The following ZNF407 variants were observed in gnomAD, a reference collection of about 807,000 sequenced individuals.
ZNF407 encodes zinc finger protein 407.
ZNF407 carries 17 observed loss-of-function variants against 131.2 expected under a neutral mutation model. That is an observed-to-expected ratio of 0.13 (90% CI 0.09 to 0.19). ZNF407 has a LOEUF of 0.19. ZNF407 is among the 10% of genes least tolerant of loss of function. ZNF407 has a pLI of 1.00. For missense variants in ZNF407, 2,681 were observed against 2,830.6 expected (o/e 0.95, Z 1.20); for synonymous variants, 1,156 against 1,062.0 (o/e 1.09, Z -1.72).
At chr18:74,931,411 TC>T (rs1971981110) in intron 8 of ZNF407, among the ~76,000 whole-genome samples, 1 of 151,748 alleles carries the variant, frequency 6.6e-6, no homozygotes, top group Non-Finnish European at 1.5e-5. Flanking sequence ...AATAACCATT[TC>T]CCCCAAAGAC....
chr18:75,012,050 G>T (rs1309596768), intron 8 of ZNF407, among the ~76,000 whole-genome samples: 1 of 152,004 alleles, frequency 6.6e-6, no homozygotes, highest in African/African-American at 2.4e-5. Context: ...GTTTCACCTG[G>T]TTATTGATAT....
chr18:75,005,880 C>A (rs745487863), intron 8 of ZNF407, among the ~76,000 whole-genome samples: 81 of 152,100 alleles, frequency 5.3e-4, no homozygotes, highest in Non-Finnish European at 1.0e-4. Flanking sequence ...CTGCAACAAA[C>A]CTCAGACTTG....
In ZNF407 at chr18:74,889,962, A is replaced by G; in HGVS notation, c.5173A>G (p.Thr1725Ala). The change falls in exon 7 of 9, where the codon ACT becomes GCT. Residue 1725 changes from threonine (T) to alanine (A), a missense_variant. By Grantham distance (58) the Thr-to-Ala change is moderately conservative. Transcript: ENST00000299687. ...KCDECNFAST[T>A]QSHLTRHKRV... ...CGATGAGTGTAACTTTGCCTCCACA[A>G]CTCAGTCCCATTTGACTCGGCATAA... 6.2e-7 allele frequency: 1 copy of G among 1,609,874 alleles called. No homozygotes were observed. The highest frequency in any genetic ancestry group is 8.5e-7 in the Non-Finnish European group (1 of 1,177,988).
At chr18:74,925,487 A>C (rs1971901601) in intron 8 of ZNF407, among the ~76,000 whole-genome samples, 1 of 152,226 alleles carries the variant, frequency 6.6e-6, no homozygotes, top group Non-Finnish European at 1.5e-5. Flanking sequence ...TTATTTAGCA[A>C]TATATTCAAA....
chr18:74,635,231 G>A lies in ZNF407; in HGVS notation c.4212G>A (p.Glu1404=). Residue 1404 remains glutamate (E), a synonymous_variant, in exon 2 of 9, where the codon GAG becomes GAA. Coordinates refer to ENST00000299687, the MANE Select transcript of ZNF407 (RefSeq NM_017757.3). This position sits in a 1 kb window ranked among gnomAD's most constrained non-coding sequence, Gnocchi z 4.7. ...AAGGTGTGAAAAAGAAGAAATCTGA[G>A]GGCAGTTCCATTGGTGAGTCTACAC... The part of the protein sequence containing the change: ...CAQGVKKKKS[E]GSSIGESTRI... 3 of 1,613,994 alleles carry A rather than the reference G, an allele frequency of 1.9e-6. No homozygotes were observed. The highest frequency in any genetic ancestry group is 2.5e-6 in the Non-Finnish European group (3 of 1,179,888).
At chr18:75,049,772 G>C (rs1346871846) in intron 8 of ZNF407, among the ~76,000 whole-genome samples, 1 of 152,124 alleles carries the variant, frequency 6.6e-6, no homozygotes, top group Non-Finnish European at 1.5e-5. Context: ...TAAGTCCCCA[G>C]TTATTTTTGT....
At chr18:74,732,582 C>T (rs1237078563) in intron 3 of ZNF407, among the ~76,000 whole-genome samples, 1 of 152,120 alleles carries the variant, frequency 6.6e-6, no homozygotes, top group Non-Finnish European at 1.5e-5. Context: ...CTTAGATAAG[C>T]CCTGCTTCAG....
intron 4 of ZNF407, among the ~76,000 whole-genome samples, chr18:74,867,696 C>T (rs1214862364): frequency 6.6e-6 from 1 of 152,132 alleles, no homozygotes; most frequent in Non-Finnish European, 1.5e-5. Context: ...TGCAGATATA[C>T]CGTGTTTTTC....
In ZNF407 at chr18:75,064,063, C is replaced by T. The variant is rs1370466937; in HGVS notation, c.6342C>T (p.His2114=). 1 of 1,592,266 alleles carries T rather than the reference C, an allele frequency of 6.3e-7. No individual in the cohort carries two copies. The highest frequency in any genetic ancestry group is 1.8e-5 in the Admixed American group (1 of 56,440). Residue 2114 remains histidine (H), a synonymous_variant, in exon 9 of 9, where the codon CAC becomes CAT. Transcript: ENST00000299687. The stretch of plus-strand genomic sequence containing the variant: ...TGGTGAGCGAAGAGGGTGCCGTCCA[C>T]ATGGTCGCCGGGGAGGGTGCCCAGA... ...QVVVSEEGAV[H]MVAGEGAQII...
chr18:74,947,786 C>T (rs1489871619), intron 8 of ZNF407, among the ~76,000 whole-genome samples: 1 of 152,192 alleles, frequency 6.6e-6, no homozygotes, highest in Admixed American at 6.5e-5. Context: ...GAAAGTGAAG[C>T]GCTAAGCCTC....
intron 6 of ZNF407, among the ~76,000 whole-genome samples, chr18:74,881,398 T>C (rs544947193): frequency 5.4e-4 from 83 of 152,326 alleles, no homozygotes; most frequent in African/African-American, 1.9e-3. Context: ...AAAGCCCAGA[T>C]ACAGGAGACT....
chr18:75,060,176 CG>C (rs925235508), intron 8 of ZNF407: 52 of 152,356 alleles, frequency 3.4e-4, no homozygotes, highest in African/African-American at 1.2e-3. Context: ...CCGGCAGCCC[CG>C]TTTAATGCTA....
At chr18:74,615,154 A>G (rs1440359508) in intron 1 of ZNF407, among the ~76,000 whole-genome samples, 1 of 152,262 alleles carries the variant, frequency 6.6e-6, no homozygotes, top group African/African-American at 2.4e-5. Context: ...TCTAGATCAC[A>G]GCCTGGAGCA....
intron 1 of ZNF407, among the ~76,000 whole-genome samples, chr18:74,624,087 G>A (rs1983682507): frequency 6.6e-6 from 1 of 152,040 alleles, no homozygotes; most frequent in Admixed American, 6.5e-5. Flanking sequence ...TGGGTTACAA[G>A]CACTGGTACT....
At chr18:74,881,743 A>G (rs1037207120) in intron 6 of ZNF407, among the ~76,000 whole-genome samples, 1 of 152,232 alleles carries the variant, frequency 6.6e-6, no homozygotes, top group Non-Finnish European at 1.5e-5. Context: ...TTTCTCCATG[A>G]TGTGCATTCT....
chr18:75,053,894 G>A (rs990870647), intron 8 of ZNF407, among the ~76,000 whole-genome samples: 5 of 152,176 alleles, frequency 3.3e-5, no homozygotes, highest in South Asian at 2.1e-4. Flanking sequence ...CTTGCTCCGC[G>A]GTGACAGCTC....
intron 4 of ZNF407, among the ~76,000 whole-genome samples, chr18:74,795,489 G>T (rs750679266): frequency 1.6e-4 from 25 of 152,136 alleles, no homozygotes; most frequent in Non-Finnish European, 3.5e-4. Context: ...TTGAAATTAT[G>T]AATTTTGTTG....
rs148366309 is a variant in ZNF407 at position 74,953,809 on chromosome 18, A to G, written c.5428+33117A>G. ...CCCTTACTCCGATGTCATTGTGTAG[A>G]CGGGAAATTTGTTTTTGATAGGCTT... On this transcript the variant is annotated intron_variant, in intron 8 of 8. Transcript: ENST00000299687. 8.3e-3 allele frequency among the ~76,000 whole-genome samples: 1,270 copies of G among 152,314 alleles called. 13 individuals are homozygous for G. Among genetic ancestry groups the G allele is most frequent in the South Asian group, 0.017 (83 of 4,822 alleles).
chr18:74,697,462 T>A (rs1967385815), intron 3 of ZNF407, among the ~76,000 whole-genome samples: 1 of 152,182 alleles, frequency 6.6e-6, no homozygotes, highest in Non-Finnish European at 1.5e-5. Context: ...TATTCAGGCC[T>A]TCAGTTTTCC....
Sources: allele counts gnomAD v4.1 joint callset (sites outside exome capture counted in the v4.1 genomes callset), GRCh38; gene constraint gnomAD v4.1.1; non-coding constraint Gnocchi (gnomAD v3.1); transcripts MANE v1.5; gene names NCBI Gene and HGNC (gene_info 2026-07-23, HGNC 2026-07-21).